The following IGF1R variants were observed in gnomAD, a reference collection of about 807,000 sequenced individuals.
IGF1R encodes insulin like growth factor 1 receptor.
A neutral mutation model predicts 144.6 loss-of-function variants in IGF1R; 44 were observed. That is an observed-to-expected ratio of 0.30 (90% CI 0.24 to 0.39). The LOEUF is 0.39. IGF1R is among the 10% of genes least tolerant of loss of function. The probability of loss-of-function intolerance (pLI) is 1.00; values close to 1 mark genes in which losing one functional copy is unlikely to be tolerated. For missense variants in IGF1R, 1,355 were observed against 1,833.7 expected (o/e 0.74, Z 4.77); for synonymous variants, 795 against 722.8 (o/e 1.10, Z -1.60).
At chr15:98,779,820 C>T (rs2055811360) in intron 2 of IGF1R, among the ~76,000 whole-genome samples, 1 of 152,120 alleles carries the variant, frequency 6.6e-6, no homozygotes, top group African/African-American at 2.4e-5. Flanking sequence ...GTGGAGATAG[C>T]CTGTTGGCAC....
chr15:98,943,063 C>T lies in IGF1R; in HGVS notation c.3587+11C>T. On this transcript the variant is annotated intron_variant, in intron 19 of 20. Coordinates refer to ENST00000650285, the MANE Select transcript of IGF1R (RefSeq NM_000875.5). ...TTACTCGGACGTCTGGTATGAGAAC[C>T]TTTACTGCATTGCCAGCCTGGAGCC... is the stretch of plus-strand genomic sequence containing the variant. The T allele has an allele frequency of 6.2e-7, 1 of 1,614,162 alleles. No homozygotes were observed. Among genetic ancestry groups the T allele is most frequent in the Non-Finnish European group, 8.5e-7 (1 of 1,179,978 alleles).
At chr15:98,868,384 T>C (rs1596376510) in intron 2 of IGF1R, among the ~76,000 whole-genome samples, 1 of 130,694 alleles carries the variant, frequency 7.7e-6, no homozygotes, top group African/African-American at 2.7e-5. Context: ...GGGGGGGTCC[T>C]TTAGAATGGC....
chr15:98,953,533 G>A (rs1305303446), intron 20 of IGF1R, among the ~76,000 whole-genome samples: 2 of 152,168 alleles, frequency 1.3e-5, no homozygotes, highest in East Asian at 3.9e-4. Context: ...GAGTGGCCCT[G>A]GCTTTCAGGA....
In IGF1R at chr15:98,731,389, T is replaced by C. The variant is rs117888586; in HGVS notation, c.640+23282T>C. On this transcript the variant is annotated intron_variant, in intron 2 of 20. Coordinates refer to ENST00000650285, the MANE Select transcript of IGF1R (RefSeq NM_000875.5). Reference sequence around the variant, plus strand: ...CCATGTAATTATTAACCCCTAAGAATGAATAGCATTTTTAAAAGGGTTCCA... The same window carrying C: ...CCATGTAATTATTAACCCCTAAGAACGAATAGCATTTTTAAAAGGGTTCCA... Among the ~76,000 whole-genome samples the C allele has an allele frequency of 2.5e-3, 379 of 152,360 alleles. 1 individual carries two copies. The highest frequency in any genetic ancestry group is 4.6e-3 in the Non-Finnish European group (312 of 68,036).
chr15:98,729,240 A>G (rs2054439969), intron 2 of IGF1R, among the ~76,000 whole-genome samples: 1 of 152,256 alleles, frequency 6.6e-6, no homozygotes, highest in Admixed American at 6.5e-5. Context: ...AAAGGTGTAG[A>G]GCATTATATG....
At chr15:98,795,301 C>A (rs1196649772) in intron 2 of IGF1R, among the ~76,000 whole-genome samples, 2 of 152,158 alleles carry the variant, frequency 1.3e-5, no homozygotes, top group Admixed American at 6.5e-5. Context: ...AAATTAAATT[C>A]ATGTATTTTT....
chr15:98,691,703 G>A (rs1034966476), intron 1 of IGF1R, among the ~76,000 whole-genome samples: 1 of 152,038 alleles, frequency 6.6e-6, no homozygotes, highest in Non-Finnish European at 1.5e-5. Context: ...TGGGTTTTTG[G>A]GAGCAAGACC....
chr15:98,895,999 G>C (rs2014175828), intron 3 of IGF1R, among the ~76,000 whole-genome samples: 1 of 151,844 alleles, frequency 6.6e-6, no homozygotes, highest in South Asian at 2.1e-4. Context: ...AATAATGGTA[G>C]GTAAGCAGGA....
At chr15:98,663,513 G>C (rs1428351469) in intron 1 of IGF1R, among the ~76,000 whole-genome samples, 2 of 152,242 alleles carry the variant, frequency 1.3e-5, no homozygotes, top group Admixed American at 6.5e-5. Context: ...CAAGGGCTAG[G>C]GTTAAAACCC....
At position 98,913,382 on chromosome 15, in the gene IGF1R, C is replaced by T. The variant is rs2015109485; in HGVS notation, c.1828+100C>T. On this transcript the variant is annotated intron_variant, in intron 8 of 20. Coordinates refer to ENST00000650285, the MANE Select transcript of IGF1R (RefSeq NM_000875.5). The stretch of plus-strand genomic sequence containing the variant: ...ATTGTAGGGTTAGCAGTGAGCTATG[C>T]CTGTTGTCTTTCTTGTCAATAGGTA... 3 of 914,892 alleles carry T rather than the reference C, an allele frequency of 3.3e-6. No homozygotes were observed. In the Admixed American group the frequency reaches 5.1e-5, roughly 15 times the overall value. 56.7% of individuals were successfully genotyped at this position (914,892 alleles called of 1,614,324 possible).
chr15:98,919,152 A>G (rs1295744189), intron 10 of IGF1R, among the ~76,000 whole-genome samples: 1 of 152,162 alleles, frequency 6.6e-6, no homozygotes, highest in African/African-American at 2.4e-5. Context: ...TGACATCCTA[A>G]TTAATTAAGA....
chr15:98,834,348 C>T (rs1378321796), intron 2 of IGF1R, among the ~76,000 whole-genome samples: 6 of 152,214 alleles, frequency 3.9e-5, no homozygotes, highest in African/African-American at 2.4e-5. Context: ...TCTTTGTTTA[C>T]AGGGAAAATG....
At chr15:98,688,282 C>A (rs1016099638) in intron 1 of IGF1R, among the ~76,000 whole-genome samples, 1 of 144,098 alleles carries the variant, frequency 6.9e-6, no homozygotes, top group Admixed American at 7.0e-5. Context: ...CCTGTTTTCT[C>A]CCCCGCCCCT....
chr15:98,655,907 A>G (rs2052474371), intron 1 of IGF1R, among the ~76,000 whole-genome samples: 1 of 152,072 alleles, frequency 6.6e-6, no homozygotes, highest in South Asian at 2.1e-4. Flanking sequence ...AGGTTTTGCT[A>G]TGTTGCTCAG....
chr15:98,772,914 TC>T (rs2055624135), intron 2 of IGF1R, among the ~76,000 whole-genome samples: 1 of 152,140 alleles, frequency 6.6e-6, no homozygotes, highest in Non-Finnish European at 1.5e-5. Context: ...TCATTCTTTT[TC>T]TAAGGGTACA....
intron 2 of IGF1R, among the ~76,000 whole-genome samples, chr15:98,802,915 C>A (rs2056391586): frequency 6.6e-6 from 1 of 152,264 alleles, no homozygotes; most frequent in East Asian, 1.9e-4. Context: ...TAATGTTCTA[C>A]TGGTAATTGT....
Position 98,891,235 on chromosome 15 carries a change from G to A in IGF1R, c.641-90G>A, listed in dbSNP as rs1404478682. ...GAGTGATCTGGTGCTGGTGGTAGCA[G>A]TGAATGACCCAGAAGGATGCTGGCC... On this transcript the variant is annotated intron_variant, in intron 2 of 20. Coordinates refer to ENST00000650285, the MANE Select transcript of IGF1R (RefSeq NM_000875.5). This position sits in a 1 kb window ranked among gnomAD's most constrained non-coding sequence, Gnocchi z 4.7. 2 of 1,220,324 alleles carry A rather than the reference G, an allele frequency of 1.6e-6. No homozygotes were observed. The highest frequency in any genetic ancestry group is 2.3e-6 in the Non-Finnish European group (2 of 851,446). The allele number at this position is 1,220,324 out of a possible 1,614,324, so 75.6% of individuals were successfully genotyped here. A position where few individuals can be genotyped will look rare whatever the true frequency, so the allele number is the denominator to read the frequency against.
rs1422097613 is a variant in IGF1R at position 98,649,029 on chromosome 15, CCAGGAG to C, written c.-552_-547del. 1 of 156,318 alleles carries C rather than the reference CCAGGAG, an allele frequency of 6.4e-6. No homozygotes were observed. Among genetic ancestry groups the C allele is most frequent in the Non-Finnish European group, 1.1e-5 (1 of 87,420 alleles). 9.7% of individuals were successfully genotyped at this position (156,318 alleles called of 1,614,324 possible). On this transcript the variant is annotated 5_prime_UTR_variant, in exon 1 of 21. Transcript: ENST00000650285. ...AGGGAGGAGGCGGCGGCGAGCGGAG[CCAGGAG>C]GAGGAGGAGGAGGGGGAGCCGCTCA... is the stretch of plus-strand genomic sequence containing the variant.
rs1331932378 is a variant in IGF1R at position 98,960,191 on chromosome 15, G to A, written c.*2749G>A. ...ACAGGCGCCACACCCAGGTGATGCA[G>A]GGGGAAGCCAGGCTGTATTCCGGGG... On this transcript the variant is annotated 3_prime_UTR_variant, in exon 21 of 21. Transcript: ENST00000650285. 1 of 233,622 alleles carries A rather than the reference G, an allele frequency of 4.3e-6. No individual in the cohort carries two copies. Among genetic ancestry groups the A allele is most frequent in the Non-Finnish European group, 8.5e-6 (1 of 118,082 alleles). The allele number at this position is 233,622 out of a possible 1,614,324, so 14.5% of individuals were successfully genotyped here.
Sources: allele counts gnomAD v4.1 joint callset (sites outside exome capture counted in the v4.1 genomes callset), GRCh38; gene constraint gnomAD v4.1.1; non-coding constraint Gnocchi (gnomAD v3.1); transcripts MANE v1.5; gene names NCBI Gene and HGNC (gene_info 2026-07-23, HGNC 2026-07-21).